Variants in GNPAT observed in about 807,000 individuals in gnomAD.
GNPAT encodes dihydroxyacetone phosphate acyltransferase.
Under a neutral mutation model 78.4 loss-of-function variants are expected in GNPAT, and 30 were observed. The ratio of observed to expected loss-of-function variants is 0.38; its 90% CI spans 0.29 to 0.52. The LOEUF is 0.52. Ranked by LOEUF, GNPAT falls within the 20% of genes least tolerant of loss-of-function variation. The probability of loss-of-function intolerance (pLI) is 0.84; values close to 1 mark genes in which losing one functional copy is unlikely to be tolerated. For missense variants in GNPAT, 714 were observed against 812.2 expected, an observed-to-expected ratio of 0.88 and a Z score of 1.47; for synonymous variants, 271 against 281.1, an observed-to-expected ratio of 0.96 and a Z score of 0.36.
chr1:231,260,260 G>T (rs1291668167), intron 2 of GNPAT, among the ~76,000 whole-genome samples: 1 of 152,182 alleles, frequency 6.6e-6, no homozygotes, highest in Non-Finnish European at 1.5e-5. Context: ...GAAAGGTGAA[G>T]TGTTTTCTTC....
intron 11 of GNPAT, among the ~76,000 whole-genome samples, chr1:231,272,632 T>C (rs1431423495): frequency 2.6e-5 from 4 of 152,238 alleles, no homozygotes; most frequent in Non-Finnish European, 4.4e-5. Flanking sequence ...GAACTATCAG[T>C]GTGGCCATTA....
At chr1:231,267,081 A>C (rs115261514) in intron 8 of GNPAT, among the ~76,000 whole-genome samples, 7 of 152,208 alleles carry the variant, frequency 4.6e-5, no homozygotes, top group Admixed American at 3.3e-4. Context: ...TTAGATCTCA[A>C]ATTGGTTTGG....
chr1:231,266,351 A>T lies in GNPAT; in HGVS notation c.999A>T (p.Ser333=), dbSNP rs755949008. The T allele has an allele frequency of 6.2e-7, 1 of 1,614,036 alleles. No individual in the cohort carries two copies. Among genetic ancestry groups the T allele is most frequent in the Non-Finnish European group, 8.5e-7 (1 of 1,179,886 alleles). The change falls in exon 8 of 16, where the codon TCA becomes TCT. Residue 333 remains serine (S), a synonymous_variant. Coordinates refer to ENST00000366647, the MANE Select transcript of GNPAT (RefSeq NM_014236.4). ...ATGTGTACTTTGGAGATCCTGTGTC[A>T]CTTCGATCTTTGGCAGCTGGGAGGA... ...SIHVYFGDPV[S]LRSLAAGRMS...
chr1:231,266,779 T>C (rs562815773), intron 8 of GNPAT, among the ~76,000 whole-genome samples: 3 of 152,304 alleles, frequency 2.0e-5, no homozygotes, highest in African/African-American at 7.2e-5. Context: ...CTAGAAAGGA[T>C]TGCATAATGG....
intron 2 of GNPAT, among the ~76,000 whole-genome samples, chr1:231,260,284 A>C (rs1218797703): frequency 6.6e-6 from 1 of 152,232 alleles, no homozygotes; most frequent in Non-Finnish European, 1.5e-5. Flanking sequence ...CTAAAATGCT[A>C]TCCTAGAAAG....
chr1:231,267,348 A>G (rs893506924), intron 8 of GNPAT, among the ~76,000 whole-genome samples: 1 of 152,206 alleles, frequency 6.6e-6, no homozygotes, highest in Non-Finnish European at 1.5e-5. Flanking sequence ...ATGCATTCTG[A>G]AAAGATAGTA....
At chr1:231,272,153 TG>T (rs1685587564) in intron 10 of GNPAT, among the ~76,000 whole-genome samples, 158 bp from the exon 11 acceptor site, 1 of 152,192 alleles carries the variant, frequency 6.6e-6, no homozygotes, top group African/African-American at 2.4e-5. Flanking sequence ...GGGTAAGATT[TG>T]GGTTTAATTT....
intron 2 of GNPAT, among the ~76,000 whole-genome samples, chr1:231,253,278 T>C (rs1684951212): frequency 6.6e-6 from 1 of 152,148 alleles, no homozygotes; most frequent in Admixed American, 6.5e-5. Flanking sequence ...CTACCTCCAG[T>C]TTTTAGTAGA....
rs756308013 is a variant in GNPAT at position 231,270,819 on chromosome 1, C to A, written c.1341C>A (p.Ser447Arg). ...ASILLHSNIA[S>R]LVKDQVILKV... The stretch of plus-strand genomic sequence containing the variant: ...TTCTTCTGCATTCCAACATTGCCAG[C>A]CTTGTCAAAGACCAGGTGATTCTGA... The change falls in exon 10 of 16, where the codon AGC becomes AGA. Residue 447 changes from serine (S) to arginine (R), a missense_variant. Transcript: ENST00000366647. The A allele has an allele frequency of 1.2e-6, 2 of 1,613,964 alleles. No individual in the cohort carries two copies. Among genetic ancestry groups the A allele is most frequent in the Non-Finnish European group, 1.7e-6 (2 of 1,179,850 alleles).
At chr1:231,250,551 A>T (rs531627994) in intron 1 of GNPAT, among the ~76,000 whole-genome samples, 1 of 152,132 alleles carries the variant, frequency 6.6e-6, no homozygotes, top group Non-Finnish European at 1.5e-5. Context: ...GTTTTATTTT[A>T]TATAATTTGG....
At chr1:231,259,725 C>T (rs1032045256) in intron 2 of GNPAT, among the ~76,000 whole-genome samples, 1 of 151,922 alleles carries the variant, frequency 6.6e-6, no homozygotes, top group Admixed American at 6.6e-5. Context: ...TACTTCTTCA[C>T]TACATGTAAT....
Position 231,271,016 on chromosome 1 carries a change from G to A in GNPAT, c.1522+16G>A. 1 of 1,613,790 alleles carries A rather than the reference G, an allele frequency of 6.2e-7. No individual in the cohort carries two copies. Among genetic ancestry groups the A allele is most frequent in the Non-Finnish European group, 8.5e-7 (1 of 1,179,714 alleles). On this transcript the variant is annotated intron_variant, in intron 10 of 15. Transcript: ENST00000366647. The stretch of plus-strand genomic sequence containing the variant: ...TTCAGGAAAGGTAATTTTCAGGAAT[G>A]CAATCTTGACTTTTAGAAGAGGTCT...
intron 11 of GNPAT, among the ~76,000 whole-genome samples, chr1:231,273,608 TC>T (rs1338757877): frequency 6.6e-6 from 1 of 152,222 alleles, no homozygotes; most frequent in Non-Finnish European, 1.5e-5. Flanking sequence ...TGTATGTATT[TC>T]CTATTTAAAT....
In GNPAT at chr1:231,250,957, A is replaced by G. The variant is rs1684879562; in HGVS notation, c.79-4A>G. 2.5e-6 allele frequency: 4 copies of G among 1,594,910 alleles called. No homozygotes were observed. The highest frequency in any genetic ancestry group is 3.4e-6 in the Non-Finnish European group (4 of 1,163,446). Reference sequence around the variant, plus strand: ...TGCTCATTACTTTCTTGCCTTATCCACAGAAGGAGCTCAAAAAGTGGGATG... The same window carrying G: ...TGCTCATTACTTTCTTGCCTTATCCGCAGAAGGAGCTCAAAAAGTGGGATG... On this transcript the variant is annotated splice_polypyrimidine_tract_variant and splice_region_variant and intron_variant, in intron 1 of 15. Coordinates refer to ENST00000366647, the MANE Select transcript of GNPAT (RefSeq NM_014236.4).
chr1:231,272,900 G>A lies in GNPAT; in HGVS notation c.1602+509G>A, dbSNP rs924850883. 5.9e-5 allele frequency among the ~76,000 whole-genome samples: 9 copies of A among 152,238 alleles called. No homozygotes were observed. The East Asian group carries it at 1.4e-3, about 23-fold the overall frequency. On this transcript the variant is annotated intron_variant, in intron 11 of 15. Transcript: ENST00000366647. ...TGAGGCAGGAGAATCACTTGAACCC[G>A]GGAGGTGGAGGTTGCTGTGAGCCAA...
chr1:231,258,002 A>G (rs1685112783), intron 2 of GNPAT, among the ~76,000 whole-genome samples: 3 of 152,016 alleles, frequency 2.0e-5, no homozygotes, highest in Admixed American at 2.0e-4. Context: ...TTGGCTCTGT[A>G]CCATCTCTGG....
rs508908 is a variant in GNPAT at position 231,250,866 on chromosome 1, T to A, written c.79-95T>A. The A allele has an allele frequency of 0.57, 463,914 of 809,998 alleles. 134,738 individuals are homozygous for A. The highest frequency in any genetic ancestry group is 0.69 in the African/African-American group (41,139 of 59,422). 50.2% of individuals were successfully genotyped at this position (809,998 alleles called of 1,614,324 possible). A position where few individuals can be genotyped will look rare whatever the true frequency, so the allele number is the denominator to read the frequency against. On this transcript the variant is annotated intron_variant, in intron 1 of 15. Transcript: ENST00000366647. ...TGCTCCTGTTCACGTCATAGAGTAA[T>A]ATTTTGTCAAAGATGAAACCTTACC...
At position 231,267,856 on chromosome 1, in the gene GNPAT, G is replaced by T; in HGVS notation, c.1232G>T (p.Trp411Leu). 6.2e-7 allele frequency: 1 copy of T among 1,613,814 alleles called. No individual in the cohort carries two copies. The highest frequency in any genetic ancestry group is 1.3e-5 in the African/African-American group (1 of 75,028). The part of the protein sequence containing the change: ...DFDALVEKTL[W>L]LKGLTQAFGG... Reference sequence around the variant, plus strand: ...GATGCTCTGGTGGAAAAGACTTTATGGCTAAAAGGCTTAACCCAGGCATTT... The same window carrying T: ...GATGCTCTGGTGGAAAAGACTTTATTGCTAAAAGGCTTAACCCAGGCATTT... Residue 411 changes from tryptophan to leucine, a missense_variant, in exon 9 of 16, where the codon TGG becomes TTG. By Grantham distance (61) the Trp-to-Leu change is moderately conservative (BLOSUM62 -2). Coordinates refer to ENST00000366647, the MANE Select transcript of GNPAT (RefSeq NM_014236.4).
chr1:231,244,970 C>CT (rs1420342388), intron 1 of GNPAT, among the ~76,000 whole-genome samples: 2 of 152,212 alleles, frequency 1.3e-5, no homozygotes, highest in Non-Finnish European at 2.9e-5. Flanking sequence ...TACTAATCTT[C>CT]TTGTTCACTG....
Sources: gnomAD v4.1 joint callset for allele counts (sites outside exome capture counted in the v4.1 genomes callset) on GRCh38, gnomAD v4.1.1 for gene constraint, MANE v1.5 for transcripts, NCBI Gene and HGNC (gene_info 2026-07-23, HGNC 2026-07-21) for gene names.